Variants in USP13 observed in about 807,000 individuals in gnomAD.
The protein encoded by USP13 is ubiquitin specific peptidase 13, also known as ubiquitin carboxyl-terminal hydrolase 13.
Under a neutral mutation model 107.8 loss-of-function variants are expected in USP13, and 68 were observed. The observed-to-expected ratio is 0.63, with a 90% CI of 0.52 to 0.77. USP13 has a LOEUF of 0.77. Ranked by LOEUF, USP13 falls within the 30% of genes least tolerant of loss-of-function variation. The pLI, the probability that USP13 is intolerant of heterozygous loss-of-function variation, is 0.00. For missense variants in USP13, 945 were observed against 1,093.3 expected (o/e 0.86, Z 1.91); for synonymous variants, 377 against 389.5 (o/e 0.97, Z 0.38).
intron 17 of USP13, among the ~76,000 whole-genome samples, chr3:179,763,217 T>C (rs1715065900): frequency 6.6e-6 from 1 of 152,248 alleles, no homozygotes; most frequent in African/African-American, 2.4e-5. Context: ...CATTTTTAAT[T>C]TTGATGATGT....
At chr3:179,692,382 G>C (rs1041431244) in intron 3 of USP13, among the ~76,000 whole-genome samples, 15 of 152,212 alleles carry the variant, frequency 9.9e-5, no homozygotes, top group African/African-American at 3.6e-4. Context: ...ATCCAACCTT[G>C]CTGTCTTCTC....
rs1018808378 is a variant in USP13, at chr3:179,678,718, C to A, written c.169-3160C>A. On this transcript the variant is annotated intron_variant, in intron 1 of 20. Coordinates refer to ENST00000263966, the MANE Select transcript of USP13 (RefSeq NM_003940.3). The surrounding 1 kb of genome is among the most constrained non-coding windows in gnomAD (Gnocchi z 4.2). The stretch of plus-strand genomic sequence containing the variant: ...CAAACAATCTGCCTGCCTCAGCCTC[C>A]CAAAATGCTGGGATTGGATGCTGTT... 2.2e-4 allele frequency among the ~76,000 whole-genome samples: 33 copies of A among 152,124 alleles called. No individual in the cohort carries two copies. The highest frequency in any genetic ancestry group is 1.2e-3 in the Admixed American group (18 of 15,268).
chr3:179,746,227 T>A (rs1386126194), intron 13 of USP13, among the ~76,000 whole-genome samples: 1 of 147,180 alleles, frequency 6.8e-6, no homozygotes, highest in African/African-American at 2.5e-5. Flanking sequence ...TATATAAAAT[T>A]TTATATATAT....
chr3:179,715,448 T>A (rs1713081039), intron 6 of USP13, among the ~76,000 whole-genome samples: 1 of 148,782 alleles, frequency 6.7e-6, no homozygotes, highest in South Asian at 2.2e-4. Context: ...CACTGCAACC[T>A]CCGCCTCCTG....
intron 19 of USP13, among the ~76,000 whole-genome samples, chr3:179,766,362 C>T (rs933588640): frequency 6.6e-6 from 1 of 152,172 alleles, no homozygotes; most frequent in African/African-American, 2.4e-5. Context: ...AATCATGTTG[C>T]TTGGTCATGT....
At position 179,653,624 on chromosome 3, in the gene USP13, G is replaced by C. The variant is rs1280687263; in HGVS notation, c.168+231G>C. 1.4e-5 allele frequency: 8 copies of C among 563,526 alleles called. No individual in the cohort carries two copies. The highest frequency in any genetic ancestry group is 2.4e-5 in the Non-Finnish European group (8 of 327,838). The allele number at this position is 563,526 out of a possible 1,614,324, so 34.9% of individuals were successfully genotyped here. ...CCGCCAGCCTCCCCAGGCTGGAAGG[G>C]CCCGATTCCCAGCAGCTTGCACACA... On this transcript the variant is annotated intron_variant, in intron 1 of 20. Transcript: ENST00000263966. The surrounding 1 kb of genome is among the most constrained non-coding windows in gnomAD (Gnocchi z 4.0).
rs1410255346 is a variant in USP13, at chr3:179,678,224, AT to A, written c.169-3653del. ...GAAGAGAATGGAACTTTTTAAAAAA[AT>A]CACAATGGATTTAATGAATAATTGA... On this transcript the variant is annotated intron_variant, in intron 1 of 20. Coordinates refer to ENST00000263966, the MANE Select transcript of USP13 (RefSeq NM_003940.3). This position sits in a 1 kb window ranked among gnomAD's most constrained non-coding sequence, Gnocchi z 4.2. Among the ~76,000 whole-genome samples, 3 of 152,238 alleles carry A rather than the reference AT, an allele frequency of 2.0e-5. No individual in the cohort carries two copies. The highest frequency in any genetic ancestry group is 4.4e-5 in the Non-Finnish European group (3 of 68,042).
At chr3:179,727,996 A>G (rs868161674) in intron 8 of USP13, among the ~76,000 whole-genome samples, 5,068 of 43,686 alleles carry the variant, frequency 0.12, 1,380 homozygotes, top group African/African-American at 0.3. Flanking sequence ...CCTCCCTCCC[A>G]GACGGGGCGG....
chr3:179,672,446 G>A (rs535594540), intron 1 of USP13, among the ~76,000 whole-genome samples: 5 of 149,628 alleles, frequency 3.3e-5, no homozygotes, highest in African/African-American at 9.9e-5. Context: ...GTGCAATGGC[G>A]CGATCTTGGC....
At position 179,742,895 on chromosome 3, in the gene USP13, G is replaced by A. The variant is rs1238476507; in HGVS notation, c.1534+545G>A. On this transcript the variant is annotated intron_variant, in intron 12 of 20. Coordinates refer to ENST00000263966, the MANE Select transcript of USP13 (RefSeq NM_003940.3). This position sits in a 1 kb window ranked among gnomAD's most constrained non-coding sequence, Gnocchi z 5.0. ...GGAAGAGAGAAGGAGGCAGAGATGT[G>A]GCACTCATGTTTGGTGCCTTCTCCT... Among the ~76,000 whole-genome samples the A allele has an allele frequency of 1.3e-5, 2 of 152,152 alleles. No homozygotes were observed. The highest frequency in any genetic ancestry group is 2.9e-5 in the Non-Finnish European group (2 of 68,016).
intron 1 of USP13, among the ~76,000 whole-genome samples, chr3:179,672,449 A>G (rs1720777259): frequency 6.8e-6 from 1 of 146,600 alleles, no homozygotes; most frequent in South Asian, 2.1e-4. Flanking sequence ...CAATGGCGCG[A>G]TCTTGGCTCA....
Position 179,653,080 on chromosome 3 carries a change from C to G in USP13, c.-146C>G, listed in dbSNP as rs1002859229. ...CGCGGTGCCCGCTCCCGCCCCGCAG[C>G]CCGCTCTCCCCGCCCGCCCCGGCTC... On this transcript the variant is annotated 5_prime_UTR_variant, in exon 1 of 21. Coordinates refer to ENST00000263966, the MANE Select transcript of USP13 (RefSeq NM_003940.3). This position sits in a 1 kb window ranked among gnomAD's most constrained non-coding sequence, Gnocchi z 4.0. 1 of 671,990 alleles carries G rather than the reference C, an allele frequency of 1.5e-6. No homozygotes were observed. Among genetic ancestry groups the G allele is most frequent in the East Asian group, 1.3e-4 (1 of 7,434 alleles). The allele number at this position is 671,990 out of a possible 1,614,324, so 41.6% of individuals were successfully genotyped here. A position where few individuals can be genotyped will look rare whatever the true frequency, so the allele number is the denominator to read the frequency against.
intron 1 of USP13, among the ~76,000 whole-genome samples, chr3:179,672,185 T>A (rs1720767995): frequency 1.3e-5 from 2 of 152,160 alleles, no homozygotes; most frequent in Admixed American, 1.3e-4. Context: ...TTTGCCACCG[T>A]TTTAACATTC....
At chr3:179,719,791 G>A (rs189461825) in intron 6 of USP13, 149 bp from the exon 7 acceptor site, 324 of 503,110 alleles carry the variant, frequency 6.4e-4, no homozygotes, top group Non-Finnish European at 1.0e-3. Flanking sequence ...TTTATCATTC[G>A]TCTTTCCTCT....
At chr3:179,669,311 A>G (rs1353107342) in intron 1 of USP13, among the ~76,000 whole-genome samples, 1 of 152,092 alleles carries the variant, frequency 6.6e-6, no homozygotes, top group Non-Finnish European at 1.5e-5. Context: ...AAATACAAAA[A>G]TTAGCCAGCA....
At chr3:179,745,353 A>G in intron 13 of USP13, 136 bp downstream of exon 13, 1 of 1,092,208 alleles carries the variant, frequency 9.2e-7, no homozygotes, top group Non-Finnish European at 1.3e-6. Flanking sequence ...ATTATGGTTC[A>G]CACACCCTAA....
intron 8 of USP13, among the ~76,000 whole-genome samples, chr3:179,728,618 G>T (rs1713664526): frequency 6.6e-6 from 1 of 152,002 alleles, no homozygotes; most frequent in Admixed American, 6.5e-5. Flanking sequence ...CACTTTGGGA[G>T]GCCAAGGCAG....
rs776585614 is a variant in USP13 at position 179,730,664 on chromosome 3, G to A, written c.1209G>A (p.Pro403=). The A allele has an allele frequency of 1.2e-5, 19 of 1,613,960 alleles. No individual in the cohort carries two copies. Among genetic ancestry groups the A allele is most frequent in the Admixed American group, 6.7e-5 (4 of 60,000 alleles). Residue 403 remains proline, a synonymous_variant, in exon 10 of 21, where the codon CCG becomes CCA. Coordinates refer to ENST00000263966, the MANE Select transcript of USP13 (RefSeq NM_003940.3). ...TCTCAGGCCAGTATTCAAAGCCTCC[G>A]GTGAAATCTGAACTCATTGAACAGG... The part of the protein sequence containing the change: ...GLLSGQYSKP[P]VKSELIEQVM...
chr3:179,765,444 A>G, intron 18 of USP13, among the ~76,000 whole-genome samples: 1 of 152,242 alleles, frequency 6.6e-6, no homozygotes, highest in Non-Finnish European at 1.5e-5. Flanking sequence ...AAACTTTGGA[A>G]TGCTGATCTG....
Sources: gnomAD v4.1 joint callset for allele counts (sites outside exome capture counted in the v4.1 genomes callset) on GRCh38, gnomAD v4.1.1 for gene constraint, Gnocchi (gnomAD v3.1) non-coding constraint, MANE v1.5 for transcripts, NCBI Gene and HGNC (gene_info 2026-07-23, HGNC 2026-07-21) for gene names.